CDK5RAP2: variants seen among roughly 807,000 people sequenced by gnomAD.
CDK5RAP2 encodes the protein CDK5 regulatory subunit associated protein 2, also known as CDK5 regulatory subunit-associated protein 2.
CDK5RAP2 carries 147 observed loss-of-function variants against 232.9 expected under a neutral mutation model. The ratio of observed to expected loss-of-function variants is 0.63; its 90% CI spans 0.55 to 0.72. The LOEUF is 0.72. Ranked by LOEUF, CDK5RAP2 falls within the 30% of genes least tolerant of loss-of-function variation. The pLI, the probability that CDK5RAP2 is intolerant of heterozygous loss-of-function variation, is 0.00. For synonymous variants in CDK5RAP2, 833 were observed against 833.7 expected, an observed-to-expected ratio of 1.00 and a Z score of 0.01; for missense variants, 2,195 against 2,231.5, an observed-to-expected ratio of 0.98 and a Z score of 0.33.
chr9:120,529,919 T>C, intron 8 of CDK5RAP2, 59 bp downstream of exon 8: 1 of 1,520,914 alleles, frequency 6.6e-7, no homozygotes, highest in African/African-American at 1.4e-5. Flanking sequence ...GCATTCCATC[T>C]CCCACAGAGG....
intron 18 of CDK5RAP2, among the ~76,000 whole-genome samples, chr9:120,461,839 T>G (rs2037107994): frequency 6.6e-6 from 1 of 152,182 alleles, no homozygotes; most frequent in Admixed American, 6.5e-5. Flanking sequence ...TAAGACCCTG[T>G]CTCGAAAGCA....
At chr9:120,414,361 C>T (rs961141804) in intron 28 of CDK5RAP2, among the ~76,000 whole-genome samples, 1 of 152,200 alleles carries the variant, frequency 6.6e-6, no homozygotes, top group African/African-American at 2.4e-5. Flanking sequence ...TTTCAAGATA[C>T]ATGCTTTACG....
At chr9:120,435,520 G>C (rs2035529401) in intron 25 of CDK5RAP2, among the ~76,000 whole-genome samples, 2 of 150,756 alleles carry the variant, frequency 1.3e-5, no homozygotes, top group Non-Finnish European at 2.9e-5. Flanking sequence ...AAAGGGCCTA[G>C]ACACAATGAT....
intron 3 of CDK5RAP2, among the ~76,000 whole-genome samples, chr9:120,553,531 A>G (rs924626426): frequency 6.6e-6 from 1 of 152,212 alleles, no homozygotes; most frequent in African/African-American, 2.4e-5. Flanking sequence ...ACAGAAACAC[A>G]AGCTAGGAAG....
At chr9:120,491,878 A>G (rs968566462) in intron 12 of CDK5RAP2, among the ~76,000 whole-genome samples, 5 of 152,212 alleles carry the variant, frequency 3.3e-5, no homozygotes, top group African/African-American at 1.2e-4. Flanking sequence ...TACAAATGTC[A>G]TAAGGCTGAG....
intron 6 of CDK5RAP2, among the ~76,000 whole-genome samples, chr9:120,537,811 A>T (rs181777129): frequency 6.6e-6 from 1 of 152,352 alleles, no homozygotes; most frequent in East Asian, 1.9e-4. Flanking sequence ...ACACAATGAA[A>T]TGGTAAGCCC....
intron 1 of CDK5RAP2, among the ~76,000 whole-genome samples, chr9:120,573,521 C>T (rs960347694): frequency 4.6e-5 from 7 of 150,740 alleles, no homozygotes; most frequent in Admixed American, 4.6e-4. Flanking sequence ...TGCACTCAAG[C>T]CTGGGTGATA....
At chr9:120,426,593 T>G (rs7869596) in intron 25 of CDK5RAP2, among the ~76,000 whole-genome samples, 4,611 of 152,260 alleles carry the variant, frequency 0.03, 88 homozygotes, top group East Asian at 0.042. Flanking sequence ...GTGGCCATCC[T>G]CAGAGGCAAA....
Position 120,487,443 on chromosome 9 carries a change from G to A in CDK5RAP2, c.1483-6C>T. On this transcript the variant is annotated splice_polypyrimidine_tract_variant and splice_region_variant and intron_variant, in intron 13 of 37. Transcript: ENST00000349780. ...AAATCTTTTTCATTGAATTTCTAAT[G>A]AAATAAAACAAATTCTAAGGAAATT... 2 of 1,593,634 alleles carry A rather than the reference G, an allele frequency of 1.3e-6. No individual in the cohort carries two copies. The highest frequency in any genetic ancestry group is 2.2e-5 in the East Asian group (1 of 44,672).
intron 3 of CDK5RAP2, among the ~76,000 whole-genome samples, chr9:120,565,163 C>A (rs1380270018): frequency 2.0e-5 from 3 of 152,196 alleles, no homozygotes; most frequent in Non-Finnish European, 2.9e-5. Context: ...GACCTGGGTT[C>A]AAAGCTGAAT....
chr9:120,453,334 C>A (rs915482298), intron 21 of CDK5RAP2, 122 bp downstream of exon 21: 43 of 888,256 alleles, frequency 4.8e-5, no homozygotes, highest in Non-Finnish European at 6.8e-5. Flanking sequence ...TAAGTGCAAG[C>A]AGAGGGAGAC....
intron 2 of CDK5RAP2, chr9:120,571,683 A>G (rs1787211207): frequency 5.0e-6 from 2 of 402,456 alleles, no homozygotes; most frequent in Non-Finnish European, 9.4e-6. Flanking sequence ...TTCAATGTCC[A>G]GCCTCCGTGC....
At chr9:120,527,616 A>C (rs1409819170) in intron 10 of CDK5RAP2, among the ~76,000 whole-genome samples, 190 bp downstream of exon 10, 1 of 152,134 alleles carries the variant, frequency 6.6e-6, no homozygotes, top group Non-Finnish European at 1.5e-5. Flanking sequence ...CCCATATGAT[A>C]TTTCTATTGG....
At position 120,523,164 on chromosome 9, in the gene CDK5RAP2, A is replaced by C. The variant is rs889933234; in HGVS notation, c.1092+1822T>G. Among the ~76,000 whole-genome samples, 4 of 152,352 alleles carry C rather than the reference A, an allele frequency of 2.6e-5. No homozygotes were observed. In the East Asian group the frequency reaches 7.7e-4, roughly 29 times the overall value. On this transcript the variant is annotated intron_variant, in intron 11 of 37. Coordinates refer to ENST00000349780, the MANE Select transcript of CDK5RAP2 (RefSeq NM_018249.6). The stretch of plus-strand genomic sequence containing the variant: ...AGATAAGAAACTTGACCAACACTGT[A>C]CATTGTAAGACCTCAAAACTCATTC...
At position 120,545,859 on chromosome 9, in the gene CDK5RAP2, G is replaced by A. The variant is rs2041820485; in HGVS notation, c.307-69C>T. On this transcript the variant is annotated intron_variant, in intron 4 of 37. Coordinates refer to ENST00000349780, the MANE Select transcript of CDK5RAP2 (RefSeq NM_018249.6). ...AGGACCTATGAATGTCAACAATGGGGAAACTGCTTCCAGCACAGACTGACT... is the reference window on the plus strand; with the variant it reads ...AGGACCTATGAATGTCAACAATGGGAAAACTGCTTCCAGCACAGACTGACT... 4.1e-6 allele frequency: 5 copies of A among 1,231,740 alleles called. No homozygotes were observed. The East Asian group carries it at 7.0e-5, about 17-fold the overall frequency. 76.3% of individuals were successfully genotyped at this position (1,231,740 alleles called of 1,614,324 possible).
At chr9:120,440,753 C>G (rs1463924476) in intron 23 of CDK5RAP2, among the ~76,000 whole-genome samples, 1 of 152,208 alleles carries the variant, frequency 6.6e-6, no homozygotes, top group African/African-American at 2.4e-5. Flanking sequence ...GCGTCTAGTA[C>G]AGAACCTAAC....
intron 28 of CDK5RAP2, among the ~76,000 whole-genome samples, chr9:120,413,820 G>GGGAGGAGGGAGGAGGGAGGAGGGAA (rs2034016682): frequency 7.2e-6 from 1 of 139,068 alleles, no homozygotes; most frequent in East Asian, 2.2e-4. Flanking sequence ...GGAGGGAGGA[G>GGGAGGAGGGAGGAGGGAGGAGGGAA]GGAGGAGGGA....
intron 12 of CDK5RAP2, among the ~76,000 whole-genome samples, chr9:120,512,968 T>C (rs1229633220): frequency 6.6e-6 from 1 of 152,176 alleles, no homozygotes; most frequent in African/African-American, 2.4e-5. Context: ...GAGCTGAATG[T>C]GAATTGAGAA....
rs371601075 is a variant in CDK5RAP2 at position 120,460,524 on chromosome 9, A to G, written c.2202+48T>C. On this transcript the variant is annotated intron_variant, in intron 19 of 37. Coordinates refer to ENST00000349780, the MANE Select transcript of CDK5RAP2 (RefSeq NM_018249.6). ...ATTCCAGACTCGAAGACTGATTTGGACATAGAGTGGAGTAGATGAAATAAG... is the reference window on the plus strand; with the variant it reads ...ATTCCAGACTCGAAGACTGATTTGGGCATAGAGTGGAGTAGATGAAATAAG... 25 of 1,553,446 alleles carry G rather than the reference A, an allele frequency of 1.6e-5. No homozygotes were observed. The African/African-American group carries it at 2.7e-4, about 17-fold the overall frequency.
Sources: gnomAD v4.1 joint callset for allele counts (sites outside exome capture counted in the v4.1 genomes callset) on GRCh38, gnomAD v4.1.1 for gene constraint, MANE v1.5 for transcripts, NCBI Gene and HGNC (gene_info 2026-07-23, HGNC 2026-07-21) for gene names.